Variants in SPATS2 observed in about 807,000 individuals in gnomAD.
SPATS2 encodes the protein spermatogenesis-associated serine-rich protein 2.
A neutral mutation model predicts 63.7 loss-of-function variants in SPATS2; 38 were observed. That is an observed-to-expected ratio of 0.60 (90% CI 0.46 to 0.78). SPATS2 has a LOEUF of 0.78. Ranked by LOEUF, SPATS2 falls within the 30% of genes least tolerant of loss-of-function variation. The pLI is 0.00. For synonymous variants in SPATS2, 207 were observed against 232.9 expected (o/e 0.89, Z 1.01); for missense variants, 588 against 666.2 (o/e 0.88, Z 1.29).
intron 2 of SPATS2, among the ~76,000 whole-genome samples, chr12:49,435,858 T>C (rs969729754): frequency 2.7e-5 from 4 of 150,558 alleles, no homozygotes; most frequent in African/African-American, 9.8e-5. Flanking sequence ...ACGAGCATGC[T>C]GCCTTCAAGC....
In SPATS2 at chr12:49,514,728, A is replaced by C. The variant is rs1187215206; in HGVS notation, c.898+115A>C. 5 of 892,238 alleles carry C rather than the reference A, an allele frequency of 5.6e-6. No homozygotes were observed. The African/African-American group carries it at 8.5e-5, about 15-fold the overall frequency. 55.3% of individuals were successfully genotyped at this position (892,238 alleles called of 1,614,324 possible). On this transcript the variant is annotated intron_variant, in intron 10 of 13. Coordinates refer to ENST00000552918, the MANE Select transcript of SPATS2 (RefSeq NM_023071.4). ...TACCATAATAAGAGTTTATATATTT[A>C]AATAATCTTAAGCAGTTGCACTGTA...
At chr12:49,368,758 A>G (rs1038122944) in intron 1 of SPATS2, among the ~76,000 whole-genome samples, 1 of 152,120 alleles carries the variant, frequency 6.6e-6, no homozygotes, top group African/African-American at 2.4e-5. Context: ...CTAGATAGAA[A>G]ATTGCCGATT....
chr12:49,383,876 T>C (rs1478766132), intron 2 of SPATS2, among the ~76,000 whole-genome samples: 1 of 152,234 alleles, frequency 6.6e-6, no homozygotes, highest in African/African-American at 2.4e-5. Context: ...AGTGAATTGC[T>C]AGGTGAAAGG....
At chr12:49,472,105 T>C (rs1197377430) in intron 3 of SPATS2, among the ~76,000 whole-genome samples, 6 of 152,036 alleles carry the variant, frequency 3.9e-5, no homozygotes. Context: ...GCCAGTGCAC[T>C]CCAGCGTGGG....
chr12:49,477,504 T>C (rs1350363482), intron 3 of SPATS2, among the ~76,000 whole-genome samples: 1 of 152,230 alleles, frequency 6.6e-6, no homozygotes. Flanking sequence ...GTGGATTTTT[T>C]CTGAACCTGT....
Position 49,497,008 on chromosome 12 carries a change from A to G in SPATS2, c.702A>G (p.Leu234=). 2 of 1,536,050 alleles carry G rather than the reference A, an allele frequency of 1.3e-6. No homozygotes were observed. Among genetic ancestry groups the G allele is most frequent in the Non-Finnish European group, 8.7e-7 (1 of 1,144,774 alleles). Reference sequence around the variant, plus strand: ...TTCCCCTCGCCACCAGTAAAAAGCTAAGTAAGTCAGAGGCCCACCTGTGAG... The same window carrying G: ...TTCCCCTCGCCACCAGTAAAAAGCTGAGTAAGTCAGAGGCCCACCTGTGAG... ...EDVPLATSKK[L]SSNIEKSVKD... is the part of the protein sequence containing the mutation. The change falls in exon 8 of 14, where the codon CTA becomes CTG. Residue 234 remains leucine (L), a splice_region_variant and synonymous_variant. Coordinates refer to ENST00000552918, the MANE Select transcript of SPATS2 (RefSeq NM_023071.4).
chr12:49,408,017 A>G (rs1288429555), intron 2 of SPATS2, among the ~76,000 whole-genome samples: 1 of 152,234 alleles, frequency 6.6e-6, no homozygotes, highest in Non-Finnish European at 1.5e-5. Context: ...CGACTGATTG[A>G]ATGAAAACAA....
At chr12:49,493,886 C>G (rs1318036037) in intron 6 of SPATS2, among the ~76,000 whole-genome samples, 1 of 152,170 alleles carries the variant, frequency 6.6e-6, no homozygotes, top group Non-Finnish European at 1.5e-5. Flanking sequence ...GGAGCTTATT[C>G]CATGTCTCAA....
chr12:49,484,272 T>A (rs576221616), intron 3 of SPATS2, among the ~76,000 whole-genome samples: 4 of 152,348 alleles, frequency 2.6e-5, no homozygotes, highest in Admixed American at 6.5e-5. Context: ...CATGGGGAGC[T>A]ATTTACTTGT....
At chr12:49,525,884 T>C in intron 13 of SPATS2, 60 bp from the exon 14 acceptor site, 1 of 1,551,320 alleles carries the variant, frequency 6.4e-7, no homozygotes, top group South Asian at 1.2e-5. Context: ...TCCTGTAAAG[T>C]GAACGAATGG....
At chr12:49,458,449 C>G (rs1046281484) in intron 2 of SPATS2, among the ~76,000 whole-genome samples, 5 of 151,830 alleles carry the variant, frequency 3.3e-5, no homozygotes, top group Non-Finnish European at 7.4e-5. Flanking sequence ...GTCTAGGCAA[C>G]AAGAGCATGA....
chr12:49,382,411 G>A (rs530359906), intron 2 of SPATS2, among the ~76,000 whole-genome samples: 38 of 152,282 alleles, frequency 2.5e-4, no homozygotes, highest in African/African-American at 8.9e-4. Flanking sequence ...TCCTTCCAAA[G>A]ATATTTTGTG....
intron 8 of SPATS2, among the ~76,000 whole-genome samples, chr12:49,498,145 A>AT (rs1555191173): frequency 0.047 from 4,682 of 98,814 alleles, 145 homozygotes; most frequent in Non-Finnish European, 0.065. Context: ...AAAAAAAAAA[A>AT]ATATATATAT....
intron 2 of SPATS2, among the ~76,000 whole-genome samples, chr12:49,402,371 A>G (rs1238088226): frequency 6.6e-6 from 1 of 152,226 alleles, no homozygotes; most frequent in Non-Finnish European, 1.5e-5. Flanking sequence ...TCAATGGCTT[A>G]TAAATCCTGG....
chr12:49,482,263 GCTTA>G (rs1440127641), intron 3 of SPATS2, among the ~76,000 whole-genome samples: 4 of 152,112 alleles, frequency 2.6e-5, no homozygotes, highest in Non-Finnish European at 5.9e-5. Flanking sequence ...ATGCCCTCTG[GCTTA>G]CTTAAGTTTG....
chr12:49,503,378 G>C (rs1343557428), intron 9 of SPATS2, among the ~76,000 whole-genome samples: 1 of 145,328 alleles, frequency 6.9e-6, no homozygotes, highest in Admixed American at 7.0e-5. Context: ...AGCTGGGCGC[G>C]GTGGCTCATG....
chr12:49,466,129 T>C (rs929197958), intron 3 of SPATS2, among the ~76,000 whole-genome samples: 2 of 152,054 alleles, frequency 1.3e-5, no homozygotes, highest in African/African-American at 4.8e-5. Context: ...CTCATATATT[T>C]TAAAGTCTGT....
intron 2 of SPATS2, among the ~76,000 whole-genome samples, chr12:49,385,156 G>T (rs915400440): frequency 2.6e-5 from 4 of 151,924 alleles, no homozygotes; most frequent in Admixed American, 1.3e-4. Flanking sequence ...TATGAGCCAG[G>T]TACATAGGAG....
intron 2 of SPATS2, among the ~76,000 whole-genome samples, chr12:49,378,986 C>T (rs1311015612): frequency 1.3e-5 from 2 of 151,736 alleles, no homozygotes; most frequent in Non-Finnish European, 1.5e-5. Flanking sequence ...GGTGCGATCT[C>T]GGCTCACTTC....
Sources: allele counts gnomAD v4.1 joint callset (sites outside exome capture counted in the v4.1 genomes callset), GRCh38; gene constraint gnomAD v4.1.1; transcripts MANE v1.5; gene names NCBI Gene and HGNC (gene_info 2026-07-23, HGNC 2026-07-21).